MALRD1: variants seen among roughly 807,000 people sequenced by gnomAD.
MALRD1 encodes MAM and LDL receptor class A domain containing 1.
In MALRD1, 247 loss-of-function variants were observed where a neutral mutation model predicts 242.1. The observed-to-expected ratio is 1.02, with a 90% CI of 0.92 to 1.13. MALRD1 has a LOEUF of 1.13. MALRD1 is among the 50% of genes most tolerant of loss of function. MALRD1 has a pLI of 0.00. For missense variants in MALRD1, 2,989 were observed against 2,533.1 expected, an observed-to-expected ratio of 1.18 and a Z score of -3.86; for synonymous variants, 995 against 866.6, an observed-to-expected ratio of 1.15 and a Z score of -2.60.
chr10:19,602,539 G>A (rs1010964812), intron 34 of MALRD1, among the ~76,000 whole-genome samples: 4 of 151,416 alleles, frequency 2.6e-5, no homozygotes, highest in Admixed American at 1.3e-4. Flanking sequence ...CATTTTTTAC[G>A]GCTGCATAGT....
chr10:19,618,283 G>C (rs1839257582), intron 36 of MALRD1, among the ~76,000 whole-genome samples: 1 of 152,026 alleles, frequency 6.6e-6, no homozygotes, highest in Non-Finnish European at 1.5e-5. Context: ...GAATAGTGCT[G>C]CAGTGAACAT....
At chr10:19,543,538 T>C (rs1685860540) in intron 32 of MALRD1, among the ~76,000 whole-genome samples, 1 of 148,726 alleles carries the variant, frequency 6.7e-6, no homozygotes, top group Non-Finnish European at 1.5e-5. Flanking sequence ...AATCCCAAAG[T>C]GCTGAGATTA....
chr10:19,431,619 T>C (rs1834130946), intron 28 of MALRD1, among the ~76,000 whole-genome samples: 1 of 152,218 alleles, frequency 6.6e-6, no homozygotes, highest in African/African-American at 2.4e-5. Context: ...ACCCAATGTA[T>C]GCAAGTGTTC....
intron 26 of MALRD1, among the ~76,000 whole-genome samples, chr10:19,377,729 TC>T (rs1210300106): frequency 1.3e-5 from 2 of 152,116 alleles, no homozygotes; most frequent in East Asian, 3.9e-4. Context: ...AAGGAAAATA[TC>T]AGGTGTAAAA....
intron 27 of MALRD1, 178 bp from the exon 28 acceptor site, chr10:19,389,274 T>A: frequency 1.4e-6 from 1 of 730,746 alleles, no homozygotes. Context: ...CAGTTGGAAA[T>A]TGTTCTGTCA....
chr10:19,464,838 C>T (rs1026779016), intron 29 of MALRD1, among the ~76,000 whole-genome samples: 6 of 152,048 alleles, frequency 3.9e-5, no homozygotes, highest in African/African-American at 1.2e-4. Flanking sequence ...TACCCATCCC[C>T]GAACATGGGA....
chr10:19,437,573 G>T (rs1215519707), intron 28 of MALRD1, among the ~76,000 whole-genome samples: 1 of 151,802 alleles, frequency 6.6e-6, no homozygotes, highest in African/African-American at 2.4e-5. Context: ...TTTGGATCTA[G>T]ATTTCCTGAA....
At chr10:19,378,080 T>C (rs536125355) in intron 26 of MALRD1, among the ~76,000 whole-genome samples, 17 of 152,270 alleles carry the variant, frequency 1.1e-4, no homozygotes, top group African/African-American at 4.1e-4. Flanking sequence ...CATTATGCAT[T>C]TAGCTTTTCA....
At chr10:19,449,473 C>T (rs915285936) in intron 28 of MALRD1, among the ~76,000 whole-genome samples, 8 of 152,186 alleles carry the variant, frequency 5.3e-5, no homozygotes, top group East Asian at 1.9e-4. Flanking sequence ...ACGTGTGTTG[C>T]GAATTCTGCT....
At chr10:19,360,833 G>A (rs561266956) in intron 26 of MALRD1, among the ~76,000 whole-genome samples, 15 of 152,036 alleles carry the variant, frequency 9.9e-5, no homozygotes, top group Non-Finnish European at 1.8e-4. Context: ...ATGTTAAGTT[G>A]CATATTATTG....
At chr10:19,320,995 CA>C in intron 21 of MALRD1, among the ~76,000 whole-genome samples, 1 of 151,890 alleles carries the variant, frequency 6.6e-6, no homozygotes, top group East Asian at 1.9e-4. Flanking sequence ...GGTTATATTG[CA>C]AAAATTTTCT....
At chr10:19,349,845 G>T (rs942251857) in intron 25 of MALRD1, among the ~76,000 whole-genome samples, 1 of 152,038 alleles carries the variant, frequency 6.6e-6, no homozygotes, top group African/African-American at 2.4e-5. Flanking sequence ...ATGTCCAGTG[G>T]ATTATTTTTT....
chr10:19,467,411 A>AAAAAAAC (rs1184948482), intron 29 of MALRD1, among the ~76,000 whole-genome samples: 1 of 150,416 alleles, frequency 6.6e-6, no homozygotes, highest in African/African-American at 2.4e-5. Flanking sequence ...AAAAAAAAAA[A>AAAAAAAC]AGAAAAAGAC....
At chr10:19,385,320 T>C (rs1020946767) in intron 26 of MALRD1, among the ~76,000 whole-genome samples, 1 of 152,096 alleles carries the variant, frequency 6.6e-6, no homozygotes, top group Non-Finnish European at 1.5e-5. Context: ...GAAGGATTAA[T>C]GGCAATTCTT....
intron 33 of MALRD1, among the ~76,000 whole-genome samples, chr10:19,593,698 A>G (rs997703846): frequency 3.3e-5 from 5 of 152,198 alleles, no homozygotes; most frequent in Admixed American, 1.3e-4. Flanking sequence ...AACATGAGAT[A>G]GTCAACACTC....
intron 21 of MALRD1, among the ~76,000 whole-genome samples, chr10:19,284,333 G>C (rs372725586): frequency 2.7e-5 from 4 of 149,604 alleles, no homozygotes; most frequent in African/African-American, 4.9e-5. Context: ...CATGTGCCAC[G>C]CTGGTGCGCT....
intron 28 of MALRD1, among the ~76,000 whole-genome samples, chr10:19,440,175 C>T (rs949791635): frequency 1.1e-4 from 16 of 152,078 alleles, no homozygotes; most frequent in Non-Finnish European, 8.8e-5. Flanking sequence ...CTGTCATTTT[C>T]GCATTGACTT....
intron 28 of MALRD1, among the ~76,000 whole-genome samples, chr10:19,432,057 A>G (rs899146045): frequency 1.3e-5 from 2 of 152,128 alleles, no homozygotes; most frequent in Non-Finnish European, 2.9e-5. Flanking sequence ...GCCATCAACC[A>G]CTAAGTGGGA....
chr10:19,055,056 A>G (rs576383161), intron 1 of MALRD1, among the ~76,000 whole-genome samples: 1 of 152,238 alleles, frequency 6.6e-6, no homozygotes, highest in South Asian at 2.1e-4. Flanking sequence ...TTCTGCCAGC[A>G]CTTGTTGTCT....
Sources: gnomAD v4.1 joint callset for allele counts (sites outside exome capture counted in the v4.1 genomes callset) on GRCh38, gnomAD v4.1.1 for gene constraint, MANE v1.5 for transcripts, NCBI Gene and HGNC (gene_info 2026-07-23, HGNC 2026-07-21) for gene names.